The following GNA12 variants were observed in gnomAD, a reference collection of about 807,000 sequenced individuals.
GNA12 encodes the protein G protein subunit alpha 12.
A neutral mutation model predicts 26.0 loss-of-function variants in GNA12; 9 were observed. The observed-to-expected ratio is 0.35, with a 90% CI of 0.21 to 0.60. GNA12 has a LOEUF of 0.60. GNA12 is among the 20% of genes least tolerant of loss of function. The pLI is 0.78. For synonymous variants in GNA12, 264 were observed against 219.6 expected (o/e 1.20, Z -1.79); for missense variants, 405 against 525.8 (o/e 0.77, Z 2.25).
chr7:2,751,911 A>G (rs1042851637), intron 2 of GNA12, among the ~76,000 whole-genome samples: 2 of 152,260 alleles, frequency 1.3e-5, no homozygotes, highest in East Asian at 3.8e-4. Flanking sequence ...AGATGACCTC[A>G]CTATCAAACA....
chr7:2,844,202 G>A lies in GNA12; in HGVS notation c.-41C>T, dbSNP rs888586611. The A allele has an allele frequency of 5.3e-6, 5 of 943,290 alleles. No individual in the cohort carries two copies. In the African/African-American group the frequency reaches 7.2e-5, roughly 14 times the overall value. 58.4% of individuals were successfully genotyped at this position (943,290 alleles called of 1,614,324 possible). ...GGCCGCGCCCCGCCGGCGCCCGGGG[G>A]CCATGGACGCTCCCGCCGGCGAGGG... On this transcript the variant is annotated 5_prime_UTR_variant, in exon 1 of 4. Transcript: ENST00000275364.
At position 2,825,621 on chromosome 7, in the gene GNA12, G is replaced by T. The variant is rs1055278348; in HGVS notation, c.309+18232C>A. Among the ~76,000 whole-genome samples, 13 of 152,294 alleles carry T rather than the reference G, an allele frequency of 8.5e-5. No individual in the cohort carries two copies. In the Middle Eastern group the frequency reaches 0.017, roughly 199 times the overall value. ...TACTGTGGTCATTTCTGGCTGAGAA[G>T]GTATCGAGCTGATGGGAGGCTGAGG... On this transcript the variant is annotated intron_variant, in intron 1 of 3. Coordinates refer to ENST00000275364, the MANE Select transcript of GNA12 (RefSeq NM_007353.3).
intron 2 of GNA12, among the ~76,000 whole-genome samples, chr7:2,733,769 G>A (rs973363370): frequency 6.6e-6 from 1 of 152,194 alleles, no homozygotes; most frequent in African/African-American, 2.4e-5. Flanking sequence ...GGTGTGTGGT[G>A]CGATGCAGGC....
intron 1 of GNA12, among the ~76,000 whole-genome samples, chr7:2,819,057 C>T (rs746447764): frequency 6.6e-6 from 1 of 152,150 alleles, no homozygotes; most frequent in African/African-American, 2.4e-5. Flanking sequence ...CTGGATTACC[C>T]TGCGAGCCTG....
intron 1 of GNA12, among the ~76,000 whole-genome samples, chr7:2,802,684 G>GT (rs988005705): frequency 6.6e-6 from 1 of 152,154 alleles, no homozygotes; most frequent in African/African-American, 2.4e-5. Flanking sequence ...GGAAAGCTCT[G>GT]TTTTTTAAAA....
At chr7:2,793,010 C>A (rs1019257156) in intron 2 of GNA12, among the ~76,000 whole-genome samples, 14 of 152,214 alleles carry the variant, frequency 9.2e-5, no homozygotes, top group African/African-American at 3.4e-4. Context: ...TGGACAATAT[C>A]ACGCACTTCC....
intron 2 of GNA12, among the ~76,000 whole-genome samples, chr7:2,741,603 G>C (rs1376420501): frequency 6.6e-6 from 1 of 152,148 alleles, no homozygotes; most frequent in Non-Finnish European, 1.5e-5. Context: ...AAAGTTGCAA[G>C]AATAGTACAA....
chr7:2,763,064 G>A (rs1023030535), intron 2 of GNA12: 7 of 1,246,756 alleles, frequency 5.6e-6, no homozygotes, highest in African/African-American at 4.6e-5. Context: ...GACGCAGACC[G>A]GGGCTCCCTA....
At chr7:2,760,518 G>A (rs1194111446) in intron 2 of GNA12, 1 of 152,370 alleles carries the variant, frequency 6.6e-6, no homozygotes, top group African/African-American at 2.4e-5. Context: ...CTTCTGGGCA[G>A]AGCCTATTCT....
intron 2 of GNA12, among the ~76,000 whole-genome samples, chr7:2,790,266 G>A (rs762386455): frequency 1.3e-4 from 19 of 151,938 alleles, no homozygotes; most frequent in South Asian, 2.1e-4. Flanking sequence ...CATATTTTTT[G>A]AGACAGGGTC....
intron 1 of GNA12, chr7:2,836,010 A>C: frequency 2.8e-6 from 1 of 357,912 alleles, no homozygotes. Flanking sequence ...TAAACCTTGA[A>C]GCTGATGAAA....
intron 1 of GNA12, chr7:2,814,484 AT>A: frequency 1.2e-6 from 1 of 824,408 alleles, no homozygotes; most frequent in Non-Finnish European, 2.1e-6. Context: ...AAGCTCACAA[AT>A]AAAATCAAAG....
At chr7:2,810,476 A>T (rs1562440303) in intron 1 of GNA12, among the ~76,000 whole-genome samples, 1 of 152,246 alleles carries the variant, frequency 6.6e-6, no homozygotes, top group Non-Finnish European at 1.5e-5. Flanking sequence ...AAATAATAAC[A>T]GTATTAGTAA....
intron 2 of GNA12, among the ~76,000 whole-genome samples, chr7:2,782,638 TTA>T (rs1436258811): frequency 6.6e-6 from 1 of 152,170 alleles, no homozygotes; most frequent in African/African-American, 2.4e-5. Flanking sequence ...TGCAGTTTTA[TTA>T]TGTCTATAGT....
At chr7:2,843,540 G>C (rs1779067193) in intron 1 of GNA12, among the ~76,000 whole-genome samples, 1 of 152,056 alleles carries the variant, frequency 6.6e-6, no homozygotes, top group African/African-American at 2.4e-5. Context: ...CCACTACTTC[G>C]GGAGGCTAAG....
chr7:2,800,904 C>T (rs941705913), intron 1 of GNA12, among the ~76,000 whole-genome samples: 1 of 152,218 alleles, frequency 6.6e-6, no homozygotes, highest in Non-Finnish European at 1.5e-5. Context: ...CAAACTCTTG[C>T]CTTTCCAAAA....
At chr7:2,771,926 C>T (rs1791958102) in intron 2 of GNA12, among the ~76,000 whole-genome samples, 1 of 152,126 alleles carries the variant, frequency 6.6e-6, no homozygotes, top group Admixed American at 6.5e-5. Flanking sequence ...CCACCCCCGC[C>T]CTCACTGTGC....
chr7:2,743,479 C>A (rs887234703), intron 2 of GNA12, among the ~76,000 whole-genome samples: 1 of 152,128 alleles, frequency 6.6e-6, no homozygotes, highest in African/African-American at 2.4e-5. Flanking sequence ...TTTAAAGCAG[C>A]TATTATAATT....
intron 2 of GNA12, among the ~76,000 whole-genome samples, chr7:2,769,695 C>T (rs1386452606): frequency 2.6e-5 from 4 of 151,900 alleles, no homozygotes; most frequent in Admixed American, 2.0e-4. Context: ...ATCGCACCAC[C>T]GCACTCCAGC....
Sources: allele counts gnomAD v4.1 joint callset (sites outside exome capture counted in the v4.1 genomes callset), GRCh38; gene constraint gnomAD v4.1.1; transcripts MANE v1.5; gene names NCBI Gene and HGNC (gene_info 2026-07-23, HGNC 2026-07-21).